The following SEPTIN6 variants were observed in gnomAD, a reference collection of about 807,000 sequenced individuals.
SEPTIN6 encodes the protein septin-6.
Under a neutral mutation model 33.6 loss-of-function variants are expected in SEPTIN6, and 8 were observed. The ratio of observed to expected loss-of-function variants is 0.24; its 90% CI spans 0.14 to 0.43. The LOEUF is 0.43. Among genes scored for constraint, SEPTIN6 ranks in the 20% least tolerant of loss-of-function variants. The pLI, the probability that SEPTIN6 is intolerant of heterozygous loss-of-function variation, is 1.00. For missense variants in SEPTIN6, 250 were observed against 340.8 expected, an observed-to-expected ratio of 0.73 and a Z score of 2.10; for synonymous variants, 131 against 140.0, an observed-to-expected ratio of 0.94 and a Z score of 0.45.
At position 119,617,568 on chromosome X, in the gene SEPTIN6, T is replaced by G. The variant is rs751181083; in HGVS notation, c.*2525A>C. 4.6e-4 allele frequency: 368 copies of G among 801,838 alleles called. No individual in the cohort carries two copies. Among genetic ancestry groups the G allele is most frequent in the Non-Finnish European group, 5.3e-4 (357 of 669,358 alleles). The allele number at this position is 801,838 out of a possible 1,213,427, so 66.1% of individuals were successfully genotyped here. ...CCCAATCCATCTTCAGATGTTTTTC[T>G]GTGGAAAAAAACCTCGAGGGTCTTC... On this transcript the variant is annotated 3_prime_UTR_variant, in exon 11 of 11. Coordinates refer to ENST00000394610, the MANE Select transcript of SEPTIN6 (RefSeq NM_145799.4).
chrX:119,683,877 T>A (rs2055005384), intron 1 of SEPTIN6, among the ~76,000 whole-genome samples: 1 of 111,085 alleles, frequency 9.0e-6, no homozygotes, highest in Non-Finnish European at 1.9e-5. Context: ...AGTTTTATTG[T>A]ATATAAAACA....
At chrX:119,627,511 T>C (rs998348386) in intron 9 of SEPTIN6, among the ~76,000 whole-genome samples, 1 of 110,899 alleles carries the variant, frequency 9.0e-6, no homozygotes, top group Non-Finnish European at 1.9e-5. Context: ...TACACTGGCA[T>C]CTGAGGGCTC....
At chrX:119,672,757 C>G (rs2054769574) in intron 2 of SEPTIN6, among the ~76,000 whole-genome samples, 1 of 112,375 alleles carries the variant, frequency 8.9e-6, no homozygotes, top group Admixed American at 9.5e-5. Flanking sequence ...ATGTGATAGT[C>G]TTTGCACTTG....
chrX:119,630,861 C>T (rs2053945563), intron 8 of SEPTIN6, among the ~76,000 whole-genome samples: 1 of 108,505 alleles, frequency 9.2e-6, no homozygotes, highest in South Asian at 4.1e-4. Flanking sequence ...CCACTGCACT[C>T]CAGCCTGGGC....
At chrX:119,690,574 C>T (rs2055152867) in intron 1 of SEPTIN6, among the ~76,000 whole-genome samples, 1 of 107,160 alleles carries the variant, frequency 9.3e-6, no homozygotes, top group Admixed American at 1.0e-4. Flanking sequence ...AATATCAAAA[C>T]TAGCCAGGTG....
At chrX:119,651,144 G>C (rs759945032) in intron 4 of SEPTIN6, among the ~76,000 whole-genome samples, 4 of 111,338 alleles carry the variant, frequency 3.6e-5, no homozygotes, top group Non-Finnish European at 7.5e-5. Context: ...ACTCTAAAAG[G>C]GGAGTCTGGG....
intron 9 of SEPTIN6, among the ~76,000 whole-genome samples, chrX:119,627,240 A>C (rs1460734708): frequency 1.8e-5 from 2 of 110,922 alleles, no homozygotes; most frequent in African/African-American, 6.5e-5. Flanking sequence ...AGACACAGCT[A>C]AACAGTCCAC....
At chrX:119,685,335 C>G (rs1307888800) in intron 1 of SEPTIN6, among the ~76,000 whole-genome samples, 2 of 110,346 alleles carry the variant, frequency 1.8e-5, no homozygotes, top group Non-Finnish European at 3.8e-5. Context: ...AAGCATAGAT[C>G]GACCTTCCCT....
At chrX:119,658,147 C>T (rs995573106) in intron 3 of SEPTIN6, among the ~76,000 whole-genome samples, 2 of 111,701 alleles carry the variant, frequency 1.8e-5, no homozygotes, top group African/African-American at 6.5e-5. Flanking sequence ...AAAAGAATAC[C>T]GATTCTTCCT....
At chrX:119,651,205 A>T (rs771773364) in intron 4 of SEPTIN6, among the ~76,000 whole-genome samples, 2 of 111,731 alleles carry the variant, frequency 1.8e-5, no homozygotes, top group East Asian at 5.6e-4. Context: ...TTGGCTTAGG[A>T]GTGCCTCTGA....
intron 7 of SEPTIN6, among the ~76,000 whole-genome samples, chrX:119,636,166 T>C (rs1299215651): frequency 9.0e-6 from 1 of 111,655 alleles, no homozygotes; most frequent in Non-Finnish European, 1.9e-5. Flanking sequence ...GGTTAGGCTC[T>C]GACTCCAGGC....
rs1449167742 is a variant in SEPTIN6 at position 119,620,006 on chromosome X, G to A, written c.*87C>T. The A allele has an allele frequency of 1.7e-6, 2 of 1,203,967 alleles. No individual in the cohort carries two copies. Among genetic ancestry groups the A allele is most frequent in the Admixed American group, 4.5e-5 (2 of 44,909 alleles). ...TAAGGGGGAAATTAGAGAAAGGGAG[G>A]CCCAGCTCTGTTGCGCAGGAAAAGG... On this transcript the variant is annotated 3_prime_UTR_variant, in exon 11 of 11. Coordinates refer to ENST00000394610, the MANE Select transcript of SEPTIN6 (RefSeq NM_145799.4).
chrX:119,686,640 TC>T, intron 1 of SEPTIN6: 1 of 962,019 alleles, frequency 1.0e-6, no homozygotes, highest in South Asian at 2.0e-5. Context: ...AGAAGCCTCC[TC>T]CTGCCAAACT....
In SEPTIN6 at chrX:119,624,591, C is replaced by T. The variant is rs189466624; in HGVS notation, c.*41+744G>A. 1.3e-4 allele frequency among the ~76,000 whole-genome samples: 14 copies of T among 111,745 alleles called. No individual in the cohort carries two copies. The East Asian group carries it at 3.6e-3, about 29-fold the overall frequency. On this transcript the variant is annotated intron_variant, in intron 10 of 10. Transcript: ENST00000394610. The stretch of plus-strand genomic sequence containing the variant: ...AGTTTCCATTGACTCTGGACATTCT[C>T]AAACCTGATGCAGGGGGATGGGAGA...
chrX:119,620,101 CAAA>C (rs59071899), intron 10 of SEPTIN6, 50 bp from the exon 11 acceptor site: 1,302 of 745,327 alleles, frequency 1.7e-3, no homozygotes, highest in Non-Finnish European at 2.0e-3. Context: ...ATTAATGTAC[CAAA>C]AAAAAAAAAA....
intron 2 of SEPTIN6, among the ~76,000 whole-genome samples, chrX:119,668,400 A>G (rs1443643556): frequency 8.9e-6 from 1 of 112,153 alleles, no homozygotes; most frequent in Non-Finnish European, 1.9e-5. Context: ...TTACTTTGTG[A>G]CATGAACTGA....
chrX:119,676,331 G>T (rs905732261), intron 1 of SEPTIN6, among the ~76,000 whole-genome samples: 4 of 110,092 alleles, frequency 3.6e-5, no homozygotes, highest in Non-Finnish European at 5.7e-5. Context: ...AGGCATGGTG[G>T]TGGGTGCCTA....
chrX:119,690,699 G>A (rs768303588), intron 1 of SEPTIN6, among the ~76,000 whole-genome samples: 1 of 97,700 alleles, frequency 1.0e-5, no homozygotes, highest in East Asian at 3.2e-4. Flanking sequence ...ACTCCAGCCT[G>A]GGCAACAGAG....
intron 10 of SEPTIN6, chrX:119,624,156 T>G (rs200371950): frequency 2.7e-4 from 60 of 221,928 alleles, no homozygotes; most frequent in Non-Finnish European, 3.2e-4. Flanking sequence ...TTTTTTTTTT[T>G]GTTTTTTTTT....
Sources: allele counts gnomAD v4.1 joint callset (sites outside exome capture counted in the v4.1 genomes callset), GRCh38; gene constraint gnomAD v4.1.1; transcripts MANE v1.5; gene names NCBI Gene and HGNC (gene_info 2026-07-23, HGNC 2026-07-21).